CLIC5: variants seen among roughly 807,000 people sequenced by gnomAD.
The protein encoded by CLIC5 is CLIC family member 5, also known as chloride intracellular channel protein 5.
A neutral mutation model predicts 24.7 loss-of-function variants in CLIC5; 20 were observed. The observed-to-expected ratio is 0.81, with a 90% CI of 0.57 to 1.18. The LOEUF is 1.18. Ranked by LOEUF, CLIC5 falls within the 50% of genes most tolerant of loss-of-function variation. CLIC5 has a pLI of 0.00. For synonymous variants in CLIC5, 159 were observed against 135.6 expected, an observed-to-expected ratio of 1.17 and a Z score of -1.20; for missense variants, 341 against 326.1, an observed-to-expected ratio of 1.05 and a Z score of -0.35.
chr6:45,984,350 C>T (rs1437209112), intron 1 of CLIC5, among the ~76,000 whole-genome samples: 1 of 152,124 alleles, frequency 6.6e-6, no homozygotes, highest in African/African-American at 2.4e-5. Context: ...TGTGCTATCC[C>T]TGGACTCACC....
chr6:45,912,589 C>T (rs1762859904), intron 5 of CLIC5: 1 of 1,444,922 alleles, frequency 6.9e-7, no homozygotes. Context: ...AAAATGAATT[C>T]CAAAAAGATT....
intron 4 of CLIC5, among the ~76,000 whole-genome samples, chr6:45,922,855 G>C (rs542127354): frequency 1.8e-4 from 27 of 151,922 alleles, no homozygotes; most frequent in Non-Finnish European, 3.1e-4. Context: ...GAGAGAGAGA[G>C]AGACTGACTG....
chr6:46,080,577 A>G (rs576594691), upstream of CLIC5, among the ~76,000 whole-genome samples: 1 of 152,318 alleles, frequency 6.6e-6, no homozygotes, highest in South Asian at 2.1e-4. Context: ...TCTTCCTGGT[A>G]TACACTGAAA....
intron 1 of CLIC5, among the ~76,000 whole-genome samples, chr6:46,072,910 T>C (rs1460201780): frequency 6.6e-6 from 1 of 152,214 alleles, no homozygotes; most frequent in Non-Finnish European, 1.5e-5. Context: ...GGTTCTAGAA[T>C]GTTCCTCAAC....
At position 45,903,017 on chromosome 6, in the gene CLIC5, G is replaced by T; in HGVS notation, c.*71C>A. On this transcript the variant is annotated 3_prime_UTR_variant, in exon 6 of 6. Coordinates refer to ENST00000339561, the MANE Select transcript of CLIC5 (RefSeq NM_016929.5). ...CGCCTCAAGGCAGTGATACAGAGGA[G>T]TCTATGAAGCTGGAGTCTTAGGGGA... The T allele has an allele frequency of 6.5e-7, 1 of 1,539,346 alleles. No homozygotes were observed. Among genetic ancestry groups the T allele is most frequent in the Non-Finnish European group, 9.0e-7 (1 of 1,116,916 alleles).
chr6:45,985,723 T>C (rs1198587991), intron 1 of CLIC5, among the ~76,000 whole-genome samples: 1 of 152,126 alleles, frequency 6.6e-6, no homozygotes. Context: ...GTTGGCTGCA[T>C]CCCTTTTCCA....
At position 45,911,762 on chromosome 6, in the gene CLIC5, G is replaced by A. The variant is rs1045678754; in HGVS notation, c.588+2466C>T. On this transcript the variant is annotated intron_variant, in intron 5 of 5. Transcript: ENST00000339561. The stretch of plus-strand genomic sequence containing the variant: ...TTGTTTGTCTCCAGGGCTGAACATC[G>A]TCACTATGCTAGGCAAGGATCCCAG... 13 of 985,350 alleles carry A rather than the reference G, an allele frequency of 1.3e-5. No individual in the cohort carries two copies. The African/African-American group carries it at 1.4e-4, about 11-fold the overall frequency. The allele number at this position is 985,350 out of a possible 1,614,324, so 61.0% of individuals were successfully genotyped here.
intron 1 of CLIC5, among the ~76,000 whole-genome samples, chr6:46,064,226 C>T (rs1218801530): frequency 6.6e-6 from 1 of 151,928 alleles, no homozygotes; most frequent in Non-Finnish European, 1.5e-5. Flanking sequence ...AATTATCAAA[C>T]TCAGTGACAA....
intron 1 of CLIC5, among the ~76,000 whole-genome samples, chr6:46,078,017 A>T (rs1762815274): frequency 6.6e-6 from 1 of 152,054 alleles, no homozygotes; most frequent in African/African-American, 2.4e-5. Context: ...CACAGGTTGC[A>T]TGGATGCTTC....
At chr6:45,882,726 T>C (rs543322316) in intron 6 of CLIC5, among the ~76,000 whole-genome samples, 2 of 152,340 alleles carry the variant, frequency 1.3e-5, no homozygotes, top group South Asian at 2.1e-4. Flanking sequence ...TTTTCCTCTT[T>C]AGTGATACAA....
At position 45,999,336 on chromosome 6, in the gene CLIC5, A is replaced by G. The variant is rs147285910; in HGVS notation, c.63+16144T>C. On this transcript the variant is annotated intron_variant, in intron 1 of 5. Transcript: ENST00000339561. ...ATATAAAATAAATGAAAAGATAGGT[A>G]TGGATTTACACAGGAATATCATTTG... Among the ~76,000 whole-genome samples the G allele has an allele frequency of 6.7e-3, 1,017 of 152,348 alleles. 18 individuals are homozygous for G. The highest frequency in any genetic ancestry group is 0.03 in the Admixed American group (458 of 15,296).
intron 1 of CLIC5, among the ~76,000 whole-genome samples, chr6:46,064,784 C>T (rs900899600): frequency 2.6e-5 from 4 of 151,978 alleles, no homozygotes; most frequent in East Asian, 1.9e-4. Context: ...TATGTTGTAC[C>T]ATATACAAAA....
intron 6 of CLIC5, among the ~76,000 whole-genome samples, chr6:45,892,639 CAGGATGCCTCCTGTTGTCAATTGTTGCCT>C (rs1342530402): frequency 6.6e-6 from 1 of 152,228 alleles, no homozygotes; most frequent in Non-Finnish European, 1.5e-5. Context: ...GCTTTACTCT[CAGGATGCCTCCTGTTGTCAATTGTTGCCT>C]TCAGTGCATT....
intron 2 of CLIC5, among the ~76,000 whole-genome samples, chr6:45,951,239 C>G (rs992989653): frequency 6.6e-6 from 1 of 152,112 alleles, no homozygotes; most frequent in Non-Finnish European, 1.5e-5. Context: ...GTGCATTTCT[C>G]CCCCCTGGGA....
chr6:45,886,416 C>A (rs1225235168), intron 6 of CLIC5, among the ~76,000 whole-genome samples: 3 of 152,360 alleles, frequency 2.0e-5, no homozygotes, highest in Non-Finnish European at 4.4e-5. Flanking sequence ...CACACCTGTG[C>A]ATACCCCTTT....
At chr6:46,024,476 G>A (rs540005096) in intron 1 of CLIC5, among the ~76,000 whole-genome samples, 2 of 152,258 alleles carry the variant, frequency 1.3e-5, no homozygotes, top group South Asian at 4.1e-4. Context: ...TGTTCCTAGA[G>A]CTCTTTGAAC....
At chr6:45,941,270 G>A (rs1389077937) in intron 4 of CLIC5, among the ~76,000 whole-genome samples, 2 of 152,174 alleles carry the variant, frequency 1.3e-5, no homozygotes, top group African/African-American at 4.8e-5. Context: ...GTGCAATAAG[G>A]CAGGCTCAGA....
chr6:45,913,810 G>A, intron 5 of CLIC5: 1 of 1,231,428 alleles, frequency 8.1e-7, no homozygotes, highest in Non-Finnish European at 1.0e-6. Context: ...TGAGAAGGTG[G>A]GTCTGTGCAC....
chr6:46,022,279 T>C (rs1051426984), intron 1 of CLIC5, among the ~76,000 whole-genome samples: 16 of 152,078 alleles, frequency 1.1e-4, no homozygotes, highest in African/African-American at 3.9e-4. Flanking sequence ...CGGAGTGCAA[T>C]CACATTATTA....
Sources: gnomAD v4.1 joint callset for allele counts (sites outside exome capture counted in the v4.1 genomes callset) on GRCh38, gnomAD v4.1.1 for gene constraint, MANE v1.5 for transcripts, NCBI Gene and HGNC (gene_info 2026-07-23, HGNC 2026-07-21) for gene names.